UCK2: variants seen among roughly 807,000 people sequenced by gnomAD.
The protein encoded by UCK2 is uridine-cytidine kinase 2.
UCK2 carries 6 observed loss-of-function variants against 30.8 expected under a neutral mutation model. The ratio of observed to expected loss-of-function variants is 0.19; its 90% CI spans 0.11 to 0.38. The LOEUF (loss-of-function observed/expected upper bound fraction) is 0.38, where lower values mean the gene tolerates loss of function less well. Among genes scored for constraint, UCK2 ranks in the 10% least tolerant of loss-of-function variants. The pLI is 1.00. For missense variants in UCK2, 210 were observed against 339.8 expected (o/e 0.62, Z 3.00); for synonymous variants, 125 against 133.6 (o/e 0.94, Z 0.45).
At chr1:165,898,505 G>T (rs1163852265) in intron 4 of UCK2, among the ~76,000 whole-genome samples, 1 of 152,138 alleles carries the variant, frequency 6.6e-6, no homozygotes, top group Non-Finnish European at 1.5e-5. Flanking sequence ...ATCTGCTCCG[G>T]TCATGTCCTC....
At chr1:165,834,062 T>G (rs1407108332) in intron 1 of UCK2, among the ~76,000 whole-genome samples, 1 of 152,204 alleles carries the variant, frequency 6.6e-6, no homozygotes, top group Non-Finnish European at 1.5e-5. Flanking sequence ...TGACTGAAGA[T>G]TGAAAGACGT....
chr1:165,876,204 A>G (rs1382202934), intron 1 of UCK2, among the ~76,000 whole-genome samples: 1 of 152,192 alleles, frequency 6.6e-6, no homozygotes, highest in African/African-American at 2.4e-5. Context: ...TTTCTATGGA[A>G]ACACAACACC....
chr1:165,860,785 C>G (rs777581794), intron 1 of UCK2, among the ~76,000 whole-genome samples: 6 of 152,108 alleles, frequency 3.9e-5, no homozygotes, highest in Non-Finnish European at 7.3e-5. Context: ...CATATCTATT[C>G]GCTATTCTTG....
intron 3 of UCK2, 147 bp from the exon 4 acceptor site, chr1:165,896,043 C>A (rs963741541): frequency 3.9e-6 from 4 of 1,020,352 alleles, no homozygotes; most frequent in Non-Finnish European, 4.3e-6. Flanking sequence ...CTCTGTAAGA[C>A]CATATTAGCC....
At chr1:165,866,637 C>T (rs1400279903) in intron 1 of UCK2, among the ~76,000 whole-genome samples, 5 of 152,196 alleles carry the variant, frequency 3.3e-5, no homozygotes, top group African/African-American at 4.8e-5. Flanking sequence ...TTCATCTTCT[C>T]TAACTTAAAC....
chr1:165,854,730 T>C (rs555645035), intron 1 of UCK2, among the ~76,000 whole-genome samples: 1 of 152,306 alleles, frequency 6.6e-6, no homozygotes, highest in African/African-American at 2.4e-5. Flanking sequence ...TGTTCAGTCC[T>C]TTACGCTGAA....
At chr1:165,902,925 G>A (rs1647530320) in intron 4 of UCK2, 2 of 304,208 alleles carry the variant, frequency 6.6e-6, no homozygotes, top group African/African-American at 2.1e-5. Flanking sequence ...CAAGAAGGCT[G>A]TTGGCCTCCA....
rs527714255 is a variant in UCK2, at chr1:165,827,756, G to C, written c.-78G>C. On this transcript the variant is annotated 5_prime_UTR_variant, in exon 1 of 7. Coordinates refer to ENST00000367879, the MANE Select transcript of UCK2 (RefSeq NM_012474.5). Reference sequence around the variant, plus strand: ...GCGCCCAGCGGCGGCTGCGGAAAGCGGAGGGAGTCCGACGCGGGCGCGGGC... The same window carrying C: ...GCGCCCAGCGGCGGCTGCGGAAAGCCGAGGGAGTCCGACGCGGGCGCGGGC... 4.9e-3 allele frequency: 6,072 copies of C among 1,231,244 alleles called. 36 individuals are homozygous for C. The highest frequency in any genetic ancestry group is 6.4e-3 in the Admixed American group (155 of 24,194). 76.3% of individuals were successfully genotyped at this position (1,231,244 alleles called of 1,614,324 possible).
In UCK2 at chr1:165,853,942, C is replaced by G. The variant is rs1205088150; in HGVS notation, c.99+26010C>G. Among the ~76,000 whole-genome samples the G allele has an allele frequency of 2.0e-5, 3 of 152,098 alleles. No homozygotes were observed. In the East Asian group the frequency reaches 5.8e-4, roughly 29 times the overall value. On this transcript the variant is annotated intron_variant, in intron 1 of 6. Coordinates refer to ENST00000367879, the MANE Select transcript of UCK2 (RefSeq NM_012474.5). ...TATTTTGTTGCTAGAATATAAAGAC[C>G]TCATCTTTCAAAATTTCTTTCTTAA...
chr1:165,888,820 C>T (rs1655689893), intron 1 of UCK2, among the ~76,000 whole-genome samples: 1 of 151,854 alleles, frequency 6.6e-6, no homozygotes, highest in Non-Finnish European at 1.5e-5. Context: ...GGTTATGTCT[C>T]CTACAGCTTG....
chr1:165,871,130 G>A (rs1461674792), intron 1 of UCK2, among the ~76,000 whole-genome samples: 2 of 152,050 alleles, frequency 1.3e-5, no homozygotes, highest in African/African-American at 2.4e-5. Flanking sequence ...TTAGTGTTTA[G>A]TATGGTTTCT....
In UCK2 at chr1:165,859,315, A is replaced by G. The variant is rs1231149338; in HGVS notation, c.100-30889A>G. On this transcript the variant is annotated intron_variant, in intron 1 of 6. Transcript: ENST00000367879. ...CCCCCTTCCTGCGCCCCGCCCCTCCATGCACCAGTCCAGAGCTGTGGTCTC... is the reference window on the plus strand; with the variant it reads ...CCCCCTTCCTGCGCCCCGCCCCTCCGTGCACCAGTCCAGAGCTGTGGTCTC... 7.2e-5 allele frequency among the ~76,000 whole-genome samples: 11 copies of G among 152,072 alleles called. No homozygotes were observed. In the East Asian group the frequency reaches 1.7e-3, roughly 24 times the overall value.
chr1:165,903,085 AT>A (rs1422300228), intron 4 of UCK2, 96 bp from the exon 5 acceptor site: 11 of 859,328 alleles, frequency 1.3e-5, no homozygotes, highest in Non-Finnish European at 1.5e-5. Flanking sequence ...ATCTAGAGTA[AT>A]TGTGGAGCCT....
intron 1 of UCK2, among the ~76,000 whole-genome samples, chr1:165,863,256 T>A (rs1358974257): frequency 6.6e-6 from 1 of 152,076 alleles, no homozygotes; most frequent in African/African-American, 2.4e-5. Context: ...CTGCACAGAG[T>A]GGGCAGCTTG....
At chr1:165,829,631 A>G (rs1241165467) in intron 1 of UCK2, among the ~76,000 whole-genome samples, 1 of 152,210 alleles carries the variant, frequency 6.6e-6, no homozygotes, top group African/African-American at 2.4e-5. Flanking sequence ...AAAGGTGAAT[A>G]ACTCTGTTAT....
rs1380791286 is a variant in UCK2 at position 165,907,535 on chromosome 1, G to A, written c.647-149G>A. ...TTAGCTCAGGCAGAGCCACTGGGAA[G>A]TTGGATGACTTGCCTGCAAGTGGCA... is the stretch of plus-strand genomic sequence containing the variant. On this transcript the variant is annotated intron_variant, in intron 6 of 6. Coordinates refer to ENST00000367879, the MANE Select transcript of UCK2 (RefSeq NM_012474.5). 8 of 1,082,382 alleles carry A rather than the reference G, an allele frequency of 7.4e-6. No homozygotes were observed. The East Asian group carries it at 2.1e-4, about 28-fold the overall frequency. The allele number at this position is 1,082,382 out of a possible 1,614,324, so 67.0% of individuals were successfully genotyped here.
At chr1:165,896,096 C>A in intron 3 of UCK2, 94 bp from the exon 4 acceptor site, 1 of 1,538,176 alleles carries the variant, frequency 6.5e-7, no homozygotes. Flanking sequence ...GCAAGGAACC[C>A]AGAACCCAGC....
In UCK2 at chr1:165,911,445, G is replaced by C. The variant is rs539334912; in HGVS notation, c.*3622G>C. ...CTTAGAGGCAGGGAGTGCCTACCCA[G>C]TCCTGCCTCAGGAGCAGGGTGAGTA... On this transcript the variant is annotated 3_prime_UTR_variant, in exon 7 of 7. Coordinates refer to ENST00000367879, the MANE Select transcript of UCK2 (RefSeq NM_012474.5). The C allele has an allele frequency of 6.6e-6, 1 of 152,334 alleles. No homozygotes were observed. Among genetic ancestry groups the C allele is most frequent in the Admixed American group, 6.5e-5 (1 of 15,304 alleles). The allele number at this position is 152,334 out of a possible 1,614,324, so 9.4% of individuals were successfully genotyped here. A position where few individuals can be genotyped will look rare whatever the true frequency, so the allele number is the denominator to read the frequency against.
At chr1:165,905,996 G>T (rs2101889807) in intron 6 of UCK2, 27 bp downstream of exon 6, 1 of 1,606,976 alleles carries the variant, frequency 6.2e-7, no homozygotes, top group South Asian at 1.1e-5. Flanking sequence ...TGTCATCCTG[G>T]AGTATAATGT....
Sources: allele counts gnomAD v4.1 joint callset (sites outside exome capture counted in the v4.1 genomes callset), GRCh38; gene constraint gnomAD v4.1.1; transcripts MANE v1.5; gene names NCBI Gene and HGNC (gene_info 2026-07-23, HGNC 2026-07-21).